RPGR: variants seen among roughly 807,000 people sequenced by gnomAD.
The protein encoded by RPGR is X-linked retinitis pigmentosa GTPase regulator.
In RPGR, 10 loss-of-function variants were observed where a neutral mutation model predicts 56.3. The observed-to-expected ratio is 0.18, with a 90% CI of 0.11 to 0.30. The LOEUF (loss-of-function observed/expected upper bound fraction) is 0.30. RPGR is among the 10% of genes least tolerant of loss of function. The pLI is 1.00. For missense variants in RPGR, 538 were observed against 590.9 expected (o/e 0.91, Z 0.93); for synonymous variants, 197 against 212.9 (o/e 0.93, Z 0.65).
In RPGR at chrX:38,316,444, G is replaced by A. The variant is rs778268504; in HGVS notation, c.619+872C>T. ...TCTTAAAGCCCAAATATGATACAATGCTTTTACTTGGTATTTTTGTTGTTT... is the reference window on the plus strand; with the variant it reads ...TCTTAAAGCCCAAATATGATACAATACTTTTACTTGGTATTTTTGTTGTTT... On this transcript the variant is annotated intron_variant, in intron 6 of 18. Transcript: ENST00000642395. Among the ~76,000 whole-genome samples, 18 of 111,662 alleles carry A rather than the reference G, an allele frequency of 1.6e-4. 1 individual carries two copies. Among genetic ancestry groups the A allele is most frequent in the Admixed American group, 1.0e-3 (11 of 10,530 alleles).
chrX:38,297,345 A>C lies in RPGR; in HGVS notation c.1353T>G (p.Ser451=). 1 of 1,210,386 alleles carries C rather than the reference A, an allele frequency of 8.3e-7. No individual in the cohort carries two copies. The highest frequency in any genetic ancestry group is 1.8e-5 in the South Asian group (1 of 56,920). Residue 451 remains serine, a synonymous_variant, in exon 11 of 19, where the codon TCT becomes TCG. Coordinates refer to ENST00000642395, the MANE Select transcript of RPGR (RefSeq NM_000328.3). ...AGACACTCTCTTGGAGGTTTCTCTCAGAACATCGTGGAAAGACTGAATTGG... is the reference window on the plus strand; with the variant it reads ...AGACACTCTCTTGGAGGTTTCTCTCCGAACATCGTGGAAAGACTGAATTGG...
Position 38,287,377 on chromosome X carries a change from T to C in RPGR, c.1754-132A>G, listed in dbSNP as rs767185969. The stretch of plus-strand genomic sequence containing the variant: ...GTTTTGGTCAGTTTCCACTTCATCA[T>C]CCTCTTTCTCTCCACTACTAAATTC... On this transcript the variant is annotated intron_variant, in intron 14 of 18. Coordinates refer to ENST00000642395, the MANE Select transcript of RPGR (RefSeq NM_000328.3). The C allele has an allele frequency of 2.5e-5, 25 of 999,296 alleles. No homozygotes were observed. The South Asian group carries it at 4.6e-4, about 18-fold the overall frequency. The allele number at this position is 999,296 out of a possible 1,213,427, so 82.4% of individuals were successfully genotyped here.
chrX:38,277,910 T>C (rs17147196), intron 15 of RPGR, among the ~76,000 whole-genome samples: 10,789 of 111,901 alleles, frequency 0.096, 539 homozygotes, highest in African/African-American at 0.17. Context: ...AGGATGTTTA[T>C]ACAGTACACC....
intron 7 of RPGR, among the ~76,000 whole-genome samples, chrX:38,305,306 T>C (rs753140933): frequency 2.4e-4 from 27 of 110,800 alleles, no homozygotes; most frequent in Non-Finnish European, 4.0e-4. Flanking sequence ...TCCAGCTACA[T>C]AGGGAGGCTG....
chrX:38,286,621 T>C lies in RPGR; in HGVS notation c.1905+473A>G. On this transcript the variant is annotated intron_variant, in intron 15 of 18. Coordinates refer to ENST00000642395, the MANE Select transcript of RPGR (RefSeq NM_000328.3). ...TGTTTCCTCCTCTTCCCCCTCTCCTTGGTCTCCTTCTTCCTCTCCTTTCTC... is the reference window on the plus strand; with the variant it reads ...TGTTTCCTCCTCTTCCCCCTCTCCTCGGTCTCCTTCTTCCTCTCCTTTCTC... The C allele has an allele frequency of 9.2e-7, 1 of 1,086,084 alleles. No individual in the cohort carries two copies. Among genetic ancestry groups the C allele is most frequent in the Non-Finnish European group, 1.2e-6 (1 of 828,800 alleles). 89.5% of individuals were successfully genotyped at this position (1,086,084 alleles called of 1,213,427 possible). A position where few individuals can be genotyped will look rare whatever the true frequency, so the allele number is the denominator to read the frequency against.
chrX:38,304,483 A>G, intron 8 of RPGR, 152 bp downstream of exon 8: 1 of 469,024 alleles, frequency 2.1e-6, no homozygotes, highest in East Asian at 3.8e-5. Flanking sequence ...AAAGTTCACA[A>G]CTTTATACTT....
Position 38,309,940 on chromosome X carries a change from T to C in RPGR, c.778+675A>G, listed in dbSNP as rs1422985131. 2.1e-4 allele frequency among the ~76,000 whole-genome samples: 24 copies of C among 112,044 alleles called. No individual in the cohort carries two copies. The Admixed American group carries it at 2.2e-3, about 10-fold the overall frequency. ...ATATTCCATAGACCAGAAATGTATA[T>C]TAAGTACAGGAATAAAGGGTGAGAA... On this transcript the variant is annotated intron_variant, in intron 7 of 18. Coordinates refer to ENST00000642395, the MANE Select transcript of RPGR (RefSeq NM_000328.3).
Position 38,304,658 on chromosome X carries a change from T to C in RPGR, c.911A>G (p.Glu304Gly). Residue 304 changes from glutamate (E) to glycine (G), a missense_variant, in exon 8 of 19, where the codon GAA becomes GGA. By Grantham distance (98) the Glu-to-Gly change is moderately conservative (BLOSUM62 -2). Transcript: ENST00000642395. ...ACCTGTTATCAAAGCTGTGTGATTT[T>C]CTCCACAAGAAATATAACTTATTGT... 1 of 1,200,015 alleles carries C rather than the reference T, an allele frequency of 8.3e-7. No homozygotes were observed.
rs781213060 is a variant in RPGR at position 38,318,927 on chromosome X, G to A, written c.371C>T (p.Thr124Ile). 2.5e-6 allele frequency: 3 copies of A among 1,211,582 alleles called. No homozygotes were observed. The highest frequency in any genetic ancestry group is 3.4e-6 in the Non-Finnish European group (3 of 895,231). ...TACATGAAAAGTGTTTCTTTCTTCG[G>A]TGTCACCAAGCCCCAACTGTCCTTC... The change falls in exon 5 of 19, where the codon ACC (threonine) becomes ATC (isoleucine). Residue 124 changes from threonine to isoleucine, a missense_variant. Physicochemically the swap from Thr to Ile is moderately conservative, Grantham distance 89. This residue lies in a region of RPGR where 181 missense variants were observed against 265.1 expected (regional missense o/e 0.68). Transcript: ENST00000642395.
intron 18 of RPGR, chrX:38,272,592 C>CA (rs36025051): frequency 1.5e-3 from 132 of 86,133 alleles, no homozygotes; most frequent in Middle Eastern, 6.5e-3. Flanking sequence ...AACTCCATCT[C>CA]AAAAAAAAAA....
intron 1 of RPGR, among the ~76,000 whole-genome samples, chrX:38,325,092 C>T (rs1345443347): frequency 1.9e-5 from 2 of 105,173 alleles, no homozygotes; most frequent in African/African-American, 7.0e-5. Flanking sequence ...ATTGCATGAA[C>T]CCCAGAGGCG....
chrX:38,281,042 T>C (rs2067020611), intron 15 of RPGR, among the ~76,000 whole-genome samples: 2 of 112,375 alleles, frequency 1.8e-5, no homozygotes, highest in Non-Finnish European at 3.8e-5. Flanking sequence ...CTCCCTTATG[T>C]CATTCCTAAT....
chrX:38,320,146 C>G (rs2067904433), intron 4 of RPGR, among the ~76,000 whole-genome samples: 1 of 107,947 alleles, frequency 9.3e-6, no homozygotes, highest in African/African-American at 3.4e-5. Context: ...TTAATGGGAT[C>G]TCAAGAAATA....
intron 18 of RPGR, among the ~76,000 whole-genome samples, chrX:38,271,685 C>T (rs1270883253): frequency 8.9e-6 from 1 of 111,872 alleles, no homozygotes; most frequent in Non-Finnish European, 1.9e-5. Context: ...CTAATGCAAA[C>T]TCTCTATAGA....
At chrX:38,285,495 T>C (rs763631777) in intron 15 of RPGR, 2 of 1,210,465 alleles carry the variant, frequency 1.7e-6, no homozygotes, top group Non-Finnish European at 2.2e-6. Flanking sequence ...ATGCAAGGCA[T>C]TTAAATTGTC....
At chrX:38,306,485 G>C (rs1214581849) in intron 7 of RPGR, among the ~76,000 whole-genome samples, 3 of 112,162 alleles carry the variant, frequency 2.7e-5, no homozygotes, top group Non-Finnish European at 5.6e-5. Context: ...TAATAAAAAT[G>C]TTTGCTTCAT....
chrX:38,301,389 T>A lies in RPGR; in HGVS notation c.935-18A>T. On this transcript the variant is annotated intron_variant, in intron 8 of 18. Coordinates refer to ENST00000642395, the MANE Select transcript of RPGR (RefSeq NM_000328.3). ...GCCGATATCTAAAATGCAAAAATAA[T>A]GAAGAGAATTATAAAAGTGTTACTT... is the stretch of plus-strand genomic sequence containing the variant. The A allele has an allele frequency of 8.5e-7, 1 of 1,180,225 alleles. No individual in the cohort carries two copies. The highest frequency in any genetic ancestry group is 1.2e-6 in the Non-Finnish European group (1 of 867,617).
At chrX:38,325,196 A>G (rs754180851) in intron 1 of RPGR, among the ~76,000 whole-genome samples, 2 of 105,378 alleles carry the variant, frequency 1.9e-5, no homozygotes, top group African/African-American at 7.0e-5. Flanking sequence ...AAAAAAAGTC[A>G]CTGCTTTTCT....
At chrX:38,295,643 G>A (rs191459089) in intron 11 of RPGR, among the ~76,000 whole-genome samples, 1 of 111,935 alleles carries the variant, frequency 8.9e-6, no homozygotes, top group East Asian at 2.8e-4. Flanking sequence ...ACATACAAAA[G>A]TTGTGGGTCA....
Sources: gnomAD v4.1 joint callset for allele counts (sites outside exome capture counted in the v4.1 genomes callset) on GRCh38, gnomAD v4.1.1 for gene constraint, gnomAD v4.1.1 regional missense constraint, MANE v1.5 for transcripts, NCBI Gene and HGNC (gene_info 2026-07-23, HGNC 2026-07-21) for gene names.